FADS2: variants seen among roughly 807,000 people sequenced by gnomAD.
FADS2 encodes the protein fatty acid desaturase 2, also known as acyl-CoA 6-desaturase.
A neutral mutation model predicts 61.2 loss-of-function variants in FADS2; 18 were observed. The observed-to-expected ratio is 0.29, with a 90% CI of 0.20 to 0.44. The LOEUF is 0.44. Ranked by LOEUF, FADS2 falls within the 20% of genes least tolerant of loss-of-function variation. The pLI, the probability that FADS2 is intolerant of heterozygous loss-of-function variation, is 1.00. For missense variants in FADS2, 322 were observed against 572.7 expected, an observed-to-expected ratio of 0.56 and a Z score of 4.47; for synonymous variants, 203 against 223.9, an observed-to-expected ratio of 0.91 and a Z score of 0.83.
chr11:61,817,661 T>A (rs904605522), intron 1 of FADS2, among the ~76,000 whole-genome samples: 25 of 152,174 alleles, frequency 1.6e-4, no homozygotes, highest in African/African-American at 6.0e-4. Flanking sequence ...TGTTCTAGCC[T>A]GGAGGCGCCT....
intron 1 of FADS2, among the ~76,000 whole-genome samples, chr11:61,822,746 A>G (rs909551987): frequency 6.6e-6 from 1 of 152,240 alleles, no homozygotes; most frequent in Non-Finnish European, 1.5e-5. Flanking sequence ...AAAATTTTAT[A>G]ATGAGAATAT....
intron 4 of FADS2, chr11:61,847,691 A>G (rs2067271614): frequency 5.8e-6 from 1 of 171,576 alleles, no homozygotes. Context: ...TGCTGTGAAC[A>G]CTGCTCTATG....
chr11:61,823,167 G>C (rs186734197), intron 1 of FADS2, among the ~76,000 whole-genome samples: 1 of 152,206 alleles, frequency 6.6e-6, no homozygotes, highest in Non-Finnish European at 1.5e-5. Context: ...ATGCAGCAAC[G>C]AAGCACTAGA....
At chr11:61,828,079 G>A, upstream of FADS2, 2 of 1,255,066 alleles carry the variant, frequency 1.6e-6, no homozygotes, top group Admixed American at 8.0e-5. This position sits in a 1 kb window ranked among gnomAD's most constrained non-coding sequence, Gnocchi z 6.4. Flanking sequence ...AGGAGGTGTC[G>A]AGGCCCTGAG....
intron 5 of FADS2, among the ~76,000 whole-genome samples, chr11:61,852,123 T>G (rs2067311967): frequency 6.6e-6 from 1 of 152,208 alleles, no homozygotes; most frequent in African/African-American, 2.4e-5. Context: ...GGGCTTGGCC[T>G]GGGCTGGGCT....
At chr11:61,833,449 C>A (rs916008498) in intron 1 of FADS2, among the ~76,000 whole-genome samples, 2 of 152,202 alleles carry the variant, frequency 1.3e-5, no homozygotes, top group Non-Finnish European at 2.9e-5. Context: ...AAAATATAAT[C>A]AACTCTCAGG....
At chr11:61,858,217 A>G (rs2067380730) in intron 7 of FADS2, among the ~76,000 whole-genome samples, 1 of 151,036 alleles carries the variant, frequency 6.6e-6, no homozygotes, top group African/African-American at 2.4e-5. Flanking sequence ...AGACAGAGTC[A>G]CATAGGCTGG....
At chr11:61,836,234 A>T (rs575952649) in intron 1 of FADS2, among the ~76,000 whole-genome samples, 1 of 151,762 alleles carries the variant, frequency 6.6e-6, no homozygotes, top group South Asian at 2.1e-4. Context: ...AGCAGCTGGG[A>T]TTACAGGCGT....
In FADS2 at chr11:61,845,434, C is replaced by G. The variant is rs576940038; in HGVS notation, c.619-2725C>G. Among the ~76,000 whole-genome samples the G allele has an allele frequency of 2.6e-5, 4 of 152,296 alleles. No homozygotes were observed. The South Asian group carries it at 6.2e-4, about 24-fold the overall frequency. ...AGCTGGCCATTGTTCCTGGGCAAGG[C>G]GGGCTTCCCGGTGCCCGGAAGGAGG... On this transcript the variant is annotated intron_variant, in intron 4 of 11. Transcript: ENST00000278840.
chr11:61,862,521 G>GT, intron 7 of FADS2: 2 of 182,824 alleles, frequency 1.1e-5, no homozygotes, highest in Admixed American at 5.7e-5. Context: ...TGGTACCTCT[G>GT]ACCTTCCCTA....
chr11:61,839,926 G>A (rs1226867039), intron 2 of FADS2, among the ~76,000 whole-genome samples: 1 of 152,222 alleles, frequency 6.6e-6, no homozygotes, highest in Non-Finnish European at 1.5e-5. Flanking sequence ...ATTGTAGCAT[G>A]TGTCAGAATT....
At chr11:61,863,243 C>T in intron 8 of FADS2, 39 bp from the exon 9 acceptor site, 3 of 1,542,282 alleles carry the variant, frequency 1.9e-6, no homozygotes, top group East Asian at 2.3e-5. Flanking sequence ...TGTGGCTGGG[C>T]CCCCGGAGGC....
At chr11:61,822,072 C>A (rs189597188) in intron 1 of FADS2, among the ~76,000 whole-genome samples, 5 of 152,250 alleles carry the variant, frequency 3.3e-5, no homozygotes, top group African/African-American at 1.2e-4. Context: ...AGGGCTCACG[C>A]CATTCTCCTG....
Position 61,828,851 on chromosome 11 carries a change from A to T in FADS2, c.207+254A>T. ...AAGTCCCAGCGGTGGAGAACAGGGC[A>T]AGCATCTACCGCGCGCGCCGGGACC... is the stretch of plus-strand genomic sequence containing the variant. On this transcript the variant is annotated intron_variant, in intron 1 of 11. Coordinates refer to ENST00000278840, the MANE Select transcript of FADS2 (RefSeq NM_004265.4). The surrounding 1 kb of genome is among the most constrained non-coding windows in gnomAD (Gnocchi z 6.4). The T allele has an allele frequency of 4.4e-6, 1 of 226,586 alleles. No individual in the cohort carries two copies. Among genetic ancestry groups the T allele is most frequent in the Non-Finnish European group, 8.4e-6 (1 of 119,710 alleles). The allele number at this position is 226,586 out of a possible 1,614,324, so 14.0% of individuals were successfully genotyped here.
At position 61,866,232 on chromosome 11, in the gene FADS2, G is replaced by A. The variant is rs17156516; in HGVS notation, c.*543G>A. 4,464 of 385,638 alleles carry A rather than the reference G, an allele frequency of 0.012. 139 individuals are homozygous for A. The highest frequency in any genetic ancestry group is 0.051 in the African/African-American group (2,476 of 48,456). 23.9% of individuals were successfully genotyped at this position (385,638 alleles called of 1,614,324 possible). A position where few individuals can be genotyped will look rare whatever the true frequency, so the allele number is the denominator to read the frequency against. On this transcript the variant is annotated 3_prime_UTR_variant, in exon 12 of 12. Coordinates refer to ENST00000278840, the MANE Select transcript of FADS2 (RefSeq NM_004265.4). ...AGAGGCCTGCTTTGTTACAAAGCTC[G>A]GGTCTCCCTCCTGCAGCTCGGTTAA... is the stretch of plus-strand genomic sequence containing the variant.
intron 7 of FADS2, among the ~76,000 whole-genome samples, chr11:61,858,247 G>C (rs762238977): frequency 3.7e-5 from 4 of 108,232 alleles, no homozygotes; most frequent in African/African-American, 7.9e-5. Context: ...GTGTGATCTC[G>C]ACTCAACTGC....
intron 4 of FADS2, among the ~76,000 whole-genome samples, chr11:61,842,228 G>T (rs1220541245): frequency 1.3e-5 from 2 of 152,234 alleles, no homozygotes; most frequent in Non-Finnish European, 2.9e-5. Context: ...CCACCCCTGA[G>T]CTGGTCACCA....
chr11:61,831,513 T>C (rs2067129827), intron 1 of FADS2, among the ~76,000 whole-genome samples: 1 of 152,152 alleles, frequency 6.6e-6, no homozygotes, highest in Non-Finnish European at 1.5e-5. Context: ...GGCATTTTCT[T>C]TTTTTTGAAG....
At position 61,852,802 on chromosome 11, in the gene FADS2, T is replaced by C. The variant is rs72643559; in HGVS notation, c.745-4209T>C. Among the ~76,000 whole-genome samples the C allele has an allele frequency of 0.017, 2,568 of 152,250 alleles. 557 individuals carry two copies. In the East Asian group the frequency reaches 0.43, roughly 25 times the overall value. On this transcript the variant is annotated intron_variant, in intron 5 of 11. Transcript: ENST00000278840. The stretch of plus-strand genomic sequence containing the variant: ...ACGTCTCTTCGTAATTCTAGTTGTG[T>C]TTCGGTTGATTCTTTTGAGTTTCCT...
Sources: allele counts gnomAD v4.1 joint callset (sites outside exome capture counted in the v4.1 genomes callset), GRCh38; gene constraint gnomAD v4.1.1; non-coding constraint Gnocchi (gnomAD v3.1); transcripts MANE v1.5; gene names NCBI Gene and HGNC (gene_info 2026-07-23, HGNC 2026-07-21).